RCAN2: variants seen among roughly 807,000 people sequenced by gnomAD.
RCAN2 encodes the protein calcipressin-2.
Under a neutral mutation model 23.6 loss-of-function variants are expected in RCAN2, and 9 were observed. The ratio of observed to expected loss-of-function variants is 0.38; its 90% CI spans 0.23 to 0.67. The LOEUF (loss-of-function observed/expected upper bound fraction) is 0.67. RCAN2 is among the 30% of genes least tolerant of loss of function. The pLI is 0.51. For missense variants in RCAN2, 273 were observed against 302.3 expected, an observed-to-expected ratio of 0.90 and a Z score of 0.72; for synonymous variants, 109 against 115.7, an observed-to-expected ratio of 0.94 and a Z score of 0.37.
At chr6:46,293,187 G>A (rs1054180952) in intron 2 of RCAN2, among the ~76,000 whole-genome samples, 3 of 152,096 alleles carry the variant, frequency 2.0e-5, no homozygotes, top group South Asian at 2.1e-4. Flanking sequence ...ATAAACATAC[G>A]TGTGCATGTG....
chr6:46,448,846 T>C (rs1767791103), intron 2 of RCAN2, among the ~76,000 whole-genome samples: 1 of 151,762 alleles, frequency 6.6e-6, no homozygotes, highest in Admixed American at 6.6e-5. Context: ...ACAAAGGCCA[T>C]ATATAACAAA....
At chr6:46,280,410 A>G (rs1015935849) in intron 2 of RCAN2, among the ~76,000 whole-genome samples, 2 of 151,866 alleles carry the variant, frequency 1.3e-5, no homozygotes, top group African/African-American at 4.9e-5. Flanking sequence ...TCAACCCTTA[A>G]CGGTTAAAAG....
chr6:46,320,785 G>A (rs1763589900), intron 2 of RCAN2, among the ~76,000 whole-genome samples: 1 of 152,198 alleles, frequency 6.6e-6, no homozygotes, highest in African/African-American at 2.4e-5. Flanking sequence ...AAGAATTACT[G>A]TGCTGAAAAC....
At chr6:46,243,758 C>T (rs1293439719) in intron 4 of RCAN2, among the ~76,000 whole-genome samples, 7 of 125,128 alleles carry the variant, frequency 5.6e-5, no homozygotes, top group Non-Finnish European at 7.8e-5. Flanking sequence ...TGCAGTCAGC[C>T]GATATTGTGC....
intron 4 of RCAN2, among the ~76,000 whole-genome samples, chr6:46,241,576 G>T (rs760219889): frequency 6.6e-6 from 1 of 152,180 alleles, no homozygotes; most frequent in Non-Finnish European, 1.5e-5. Context: ...GTGAGGGAAC[G>T]AAAGGCATAA....
chr6:46,432,668 T>C (rs548114295), intron 2 of RCAN2, among the ~76,000 whole-genome samples: 86 of 152,160 alleles, frequency 5.7e-4, no homozygotes, highest in Non-Finnish European at 8.5e-4. Flanking sequence ...GACTGTCAAA[T>C]TGCATCATAA....
intron 2 of RCAN2, among the ~76,000 whole-genome samples, chr6:46,273,162 C>T (rs147648210): frequency 3.3e-5 from 5 of 152,276 alleles, no homozygotes; most frequent in African/African-American, 7.2e-5. Flanking sequence ...GGGCAGCTCA[C>T]GCTCACACTA....
intron 2 of RCAN2, among the ~76,000 whole-genome samples, chr6:46,435,950 G>A (rs1382851831): frequency 6.6e-6 from 1 of 152,222 alleles, no homozygotes; most frequent in Non-Finnish European, 1.5e-5. Context: ...ACAAAAGACT[G>A]TCAATTTATT....
intron 2 of RCAN2, among the ~76,000 whole-genome samples, chr6:46,452,741 C>T (rs1443003365): frequency 1.3e-5 from 2 of 152,112 alleles, no homozygotes; most frequent in Non-Finnish European, 2.9e-5. Context: ...GGAAAAGGAC[C>T]TGGCACCATG....
chr6:46,370,225 G>A (rs373527315), intron 2 of RCAN2, among the ~76,000 whole-genome samples: 26 of 152,224 alleles, frequency 1.7e-4, no homozygotes, highest in African/African-American at 6.3e-4. Flanking sequence ...ACACATCTAA[G>A]TCATCTGTAC....
At chr6:46,265,579 T>C (rs1463252761) in intron 2 of RCAN2, among the ~76,000 whole-genome samples, 1 of 152,144 alleles carries the variant, frequency 6.6e-6, no homozygotes, top group Non-Finnish European at 1.5e-5. Flanking sequence ...ACTGGTTATG[T>C]AGTCACCAAC....
At chr6:46,425,896 CTTTT>C (rs1049166361) in intron 2 of RCAN2, among the ~76,000 whole-genome samples, 41 of 126,690 alleles carry the variant, frequency 3.2e-4, no homozygotes, top group Non-Finnish European at 6.1e-4. Flanking sequence ...TTCTTTCTTT[CTTTT>C]TTTTTTTTTT....
chr6:46,354,895 A>ATG lies in RCAN2; in HGVS notation c.225+101856_225+101857insCA, dbSNP rs1317652711. ...AGAGACTTCTCAGGAAAAAGATTAT[A>ATG]TATGTGTGTGTGTGTGTGTGTGTGT... is the stretch of plus-strand genomic sequence containing the variant. On this transcript the variant is annotated intron_variant, in intron 2 of 4. Coordinates refer to ENST00000371374, the MANE Select transcript of RCAN2 (RefSeq NM_001251974.2). 4.6e-3 allele frequency among the ~76,000 whole-genome samples: 631 copies of ATG among 136,288 alleles called. 5 individuals carry two copies. Among genetic ancestry groups the ATG allele is most frequent in the African/African-American group, 0.015 (547 of 36,200 alleles). 89.4% of individuals were successfully genotyped at this position (136,288 alleles called of 152,430 possible).
chr6:46,389,540 A>G (rs1304432804), intron 2 of RCAN2, among the ~76,000 whole-genome samples: 1 of 152,188 alleles, frequency 6.6e-6, no homozygotes, highest in Non-Finnish European at 1.5e-5. Context: ...CAGCTCCTCC[A>G]GGGCTAGATC....
At chr6:46,371,677 C>T (rs1352472508) in intron 2 of RCAN2, among the ~76,000 whole-genome samples, 1 of 152,156 alleles carries the variant, frequency 6.6e-6, no homozygotes, top group African/African-American at 2.4e-5. Context: ...CAATCACTGA[C>T]AAGAGAGAGG....
At chr6:46,404,183 T>C (rs564059909) in intron 2 of RCAN2, among the ~76,000 whole-genome samples, 24 of 151,918 alleles carry the variant, frequency 1.6e-4, no homozygotes, top group South Asian at 4.2e-4. Context: ...GACTGCACCA[T>C]TGCACTCCAG....
chr6:46,262,734 C>T (rs1767154022), intron 2 of RCAN2, among the ~76,000 whole-genome samples: 1 of 152,140 alleles, frequency 6.6e-6, no homozygotes, highest in African/African-American at 2.4e-5. Flanking sequence ...GGCTATCACC[C>T]ACCCCACTAA....
chr6:46,338,858 CAA>C (rs1049677590), intron 2 of RCAN2, among the ~76,000 whole-genome samples: 1 of 150,892 alleles, frequency 6.6e-6, no homozygotes, highest in Non-Finnish European at 1.5e-5. Flanking sequence ...AAAAAACATA[CAA>C]AAAAAATAGC....
chr6:46,482,751 A>G (rs1235216416), intron 1 of RCAN2, among the ~76,000 whole-genome samples: 1 of 152,198 alleles, frequency 6.6e-6, no homozygotes, highest in African/African-American at 2.4e-5. Context: ...AGAGGTTGTG[A>G]GGACATCATA....
Sources: gnomAD v4.1 joint callset for allele counts (sites outside exome capture counted in the v4.1 genomes callset) on GRCh38, gnomAD v4.1.1 for gene constraint, MANE v1.5 for transcripts, NCBI Gene and HGNC (gene_info 2026-07-23, HGNC 2026-07-21) for gene names.